Variants in KCTD2 observed in about 807,000 individuals in gnomAD.
KCTD2 encodes the protein BTB/POZ domain-containing protein KCTD2.
In KCTD2, 18 loss-of-function variants were observed where a neutral mutation model predicts 27.9. The observed-to-expected ratio is 0.64, with a 90% CI of 0.45 to 0.96. KCTD2 has a LOEUF of 0.96. KCTD2 is among the 40% of genes least tolerant of loss of function. KCTD2 has a pLI of 0.00. For missense variants in KCTD2, 280 were observed against 348.0 expected (o/e 0.80, Z 1.56); for synonymous variants, 175 against 148.4 (o/e 1.18, Z -1.30).
chr17:75,034,680 C>T (rs1252474323), intron 2 of KCTD2, among the ~76,000 whole-genome samples: 1 of 152,126 alleles, frequency 6.6e-6, no homozygotes, highest in Non-Finnish European at 1.5e-5. Flanking sequence ...GCGGTGACGA[C>T]GCGCGGGGAC....
At chr17:75,033,983 T>TG (rs2040089516) in intron 1 of KCTD2, 1 of 152,100 alleles carries the variant, frequency 6.6e-6, no homozygotes, top group Non-Finnish European at 1.5e-5. Flanking sequence ...GGGGTAGAGG[T>TG]GAAAGTTCCT....
At chr17:75,035,157 G>T (rs898010693) in intron 2 of KCTD2, 1 of 152,080 alleles carries the variant, frequency 6.6e-6, no homozygotes, top group African/African-American at 2.4e-5. Context: ...CGGATCAGAA[G>T]ATTGAGGGTT....
intron 3 of KCTD2, among the ~76,000 whole-genome samples, chr17:75,036,306 A>G (rs2040113837): frequency 6.6e-6 from 1 of 151,596 alleles, no homozygotes; most frequent in Admixed American, 6.6e-5. Context: ...TATTTTTAGT[A>G]TAGACGGGGT....
upstream of KCTD2, among the ~76,000 whole-genome samples, chr17:75,046,268 G>A (rs1221115353): frequency 6.6e-6 from 1 of 152,174 alleles, no homozygotes; most frequent in Non-Finnish European, 1.5e-5. Context: ...ATTTTTAGTA[G>A]AGGCGGGGTT....
At chr17:75,052,989 G>T in intron 2 of KCTD2, 25 bp from the exon 3 acceptor site, 2 of 1,588,140 alleles carry the variant, frequency 1.3e-6, no homozygotes, top group South Asian at 1.1e-5. Context: ...GCACCTATCT[G>T]ACTGCAGTTT....
intron 4 of KCTD2, chr17:75,060,431 C>T (rs1041427077): frequency 1.3e-6 from 2 of 1,597,372 alleles, no homozygotes; most frequent in Non-Finnish European, 1.7e-6. Context: ...TTCAAAAAGC[C>T]AAAAAAGTCC....
intron 1 of KCTD2, chr17:75,033,898 T>C (rs979186817): frequency 5.2e-5 from 8 of 152,432 alleles, no homozygotes; most frequent in African/African-American, 9.6e-5. Flanking sequence ...CACGGCCACG[T>C]GCCCCAAGCC....
At chr17:75,054,370 A>C (rs931321800) in intron 3 of KCTD2, among the ~76,000 whole-genome samples, 1 of 152,122 alleles carries the variant, frequency 6.6e-6, no homozygotes, top group Non-Finnish European at 1.5e-5. Context: ...TTGCCCACCT[A>C]GTTAGAGGAA....
rs986040330 is a variant in KCTD2 at position 75,062,149 on chromosome 17, C to T, written c.666C>T (p.Tyr222=). The T allele has an allele frequency of 5.6e-6, 9 of 1,613,810 alleles. No individual in the cohort carries two copies. Among genetic ancestry groups the T allele is most frequent in the Admixed American group, 1.7e-5 (1 of 59,982 alleles). ...TCAGCATCGGATCTTCCTATAACTA[C>T]GGCAATGAGGATCAGGCAGAATTCC... is the stretch of plus-strand genomic sequence containing the variant. ...QLISIGSSYN[Y]GNEDQAEFLC... Residue 222 remains tyrosine (Y), a synonymous_variant, in exon 5 of 6, where the codon TAC becomes TAT. Transcript: ENST00000322444.
rs866625365 is a variant in KCTD2, at chr17:75,063,225, G to A, written c.*178G>A. The A allele has an allele frequency of 3.1e-6, 2 of 647,240 alleles. No homozygotes were observed. The highest frequency in any genetic ancestry group is 1.8e-5 in the African/African-American group (1 of 54,794). 40.1% of individuals were successfully genotyped at this position (647,240 alleles called of 1,614,324 possible). ...ACTCCCTCCCCACCTGCAGGACTCC[G>A]AAGACAGTGCGACTTCTGGCTGCAG... On this transcript the variant is annotated 3_prime_UTR_variant, in exon 6 of 6. Transcript: ENST00000322444.
At chr17:75,037,118 G>A (rs1165764682) in intron 3 of KCTD2, among the ~76,000 whole-genome samples, 1 of 152,140 alleles carries the variant, frequency 6.6e-6, no homozygotes, top group Non-Finnish European at 1.5e-5. Flanking sequence ...GCCAAGGCGG[G>A]CAGATCACGA....
intron 3 of KCTD2, among the ~76,000 whole-genome samples, chr17:75,058,211 C>CTA (rs2073368555): frequency 6.6e-6 from 1 of 151,896 alleles, no homozygotes; most frequent in Admixed American, 6.6e-5. Flanking sequence ...GTAATCCCAG[C>CTA]TATTCAAGAG....
At chr17:75,053,460 A>C (rs961848218) in intron 3 of KCTD2, among the ~76,000 whole-genome samples, 1 of 151,178 alleles carries the variant, frequency 6.6e-6, no homozygotes, top group Non-Finnish European at 1.5e-5. Context: ...TTTTTTTATG[A>C]GATGGAGTCT....
At chr17:75,055,756 C>T (rs1358136459) in intron 3 of KCTD2, among the ~76,000 whole-genome samples, 1 of 148,792 alleles carries the variant, frequency 6.7e-6, no homozygotes, top group Non-Finnish European at 1.5e-5. Context: ...GGCTTGAACC[C>T]GGGAGGAGGA....
chr17:75,033,921 T>C (rs2040088120), intron 1 of KCTD2: 1 of 152,266 alleles, frequency 6.6e-6, no homozygotes, highest in African/African-American at 2.4e-5. Context: ...AGTGGCCTAA[T>C]GGATAAGGCA....
At chr17:75,048,055 A>C (rs1352845287) in intron 1 of KCTD2, among the ~76,000 whole-genome samples, 1 of 152,198 alleles carries the variant, frequency 6.6e-6, no homozygotes, top group African/African-American at 2.4e-5. Context: ...GGGCTTCCAC[A>C]GCTGCAGGAA....
chr17:75,042,241 G>C (rs772149859), upstream of KCTD2: 4 of 1,614,186 alleles, frequency 2.5e-6, no homozygotes, highest in Non-Finnish European at 2.5e-6. Context: ...AGTAAGCCCA[G>C]TCGATAGCTG....
chr17:75,057,373 G>A (rs1445294947), intron 3 of KCTD2, among the ~76,000 whole-genome samples: 7 of 152,060 alleles, frequency 4.6e-5, no homozygotes, highest in African/African-American at 1.7e-4. Context: ...AAATACCTGG[G>A]ACTTTGACAG....
intron 3 of KCTD2, among the ~76,000 whole-genome samples, chr17:75,055,681 A>G (rs1416561283): frequency 6.6e-6 from 1 of 151,962 alleles, no homozygotes; most frequent in Admixed American, 6.6e-5. Context: ...TAAAAATACA[A>G]AAGTAGCTGG....
Sources: gnomAD v4.1 joint callset for allele counts (sites outside exome capture counted in the v4.1 genomes callset) on GRCh38, gnomAD v4.1.1 for gene constraint, MANE v1.5 for transcripts, NCBI Gene and HGNC (gene_info 2026-07-23, HGNC 2026-07-21) for gene names.